RESP18: variants seen among roughly 807,000 people sequenced by gnomAD.
RESP18 encodes regulated endocrine-specific protein 18.
A neutral mutation model predicts 30.0 loss-of-function variants in RESP18; 30 were observed. The observed-to-expected ratio is 1.00, with a 90% CI of 0.75 to 1.36. The LOEUF is 1.36. Among genes scored for constraint, RESP18 ranks in the 40% most tolerant of loss-of-function variants. RESP18 has a pLI of 0.00. For synonymous variants in RESP18, 117 were observed against 111.2 expected (o/e 1.05, Z -0.33); for missense variants, 320 against 284.2 (o/e 1.13, Z -0.91).
chr2:219,331,452 T>G (rs559286351), intron 2 of RESP18, among the ~76,000 whole-genome samples: 1 of 152,300 alleles, frequency 6.6e-6, no homozygotes, highest in South Asian at 2.1e-4. Context: ...GTCTGTTTTT[T>G]GCTATAGTGT....
rs765569073 is a variant in RESP18, at chr2:219,328,969, G to T, written c.595C>A (p.Gln199Lys). 6 of 1,551,308 alleles carry T rather than the reference G, an allele frequency of 3.9e-6. No homozygotes were observed. The highest frequency in any genetic ancestry group is 5.2e-6 in the Non-Finnish European group (6 of 1,146,486). Reference sequence around the variant, plus strand: ...TCTTCCTTAGAGGGTCCCGGCGCCTGCATCATGTCCAGCCCCCCATATGAA... The same window carrying T: ...TCTTCCTTAGAGGGTCCCGGCGCCTTCATCATGTCCAGCCCCCCATATGAA... Residue 199 changes from glutamine to lysine, a missense_variant, in exon 6 of 7, where the codon CAG becomes AAG. By Grantham distance (53) the Gln-to-Lys change is moderately conservative. Transcript: ENST00000333527.
intron 2 of RESP18, 147 bp downstream of exon 1, chr2:219,332,377 C>T (rs756032410): frequency 3.1e-6 from 2 of 647,262 alleles, no homozygotes; most frequent in South Asian, 2.0e-5. Flanking sequence ...CCTCTTTCCG[C>T]TAGACGCTGT....
chr2:219,329,804 A>G (rs1952812034), intron 3 of RESP18, 40 bp from the exon 3 acceptor site: 2 of 1,539,028 alleles, frequency 1.3e-6, no homozygotes, highest in Non-Finnish European at 1.8e-6. Flanking sequence ...GACACCTGAG[A>G]CACTCGGATC....
At chr2:219,331,738 C>G (rs1183363766) in intron 2 of RESP18, among the ~76,000 whole-genome samples, 2 of 152,128 alleles carry the variant, frequency 1.3e-5, no homozygotes, top group African/African-American at 2.4e-5. Flanking sequence ...ACCCGGAGCG[C>G]GCCTGGCGCT....
intron 2 of RESP18, among the ~76,000 whole-genome samples, chr2:219,331,726 G>A (rs1239078253): frequency 6.6e-6 from 1 of 152,172 alleles, no homozygotes; most frequent in Non-Finnish European, 1.5e-5. Flanking sequence ...GGCTCGGCGT[G>A]GACCCGGAGC....
At chr2:219,330,627 C>A in intron 3 of RESP18, 144 bp downstream of exon 2, 1 of 539,318 alleles carries the variant, frequency 1.9e-6, no homozygotes, top group East Asian at 3.3e-5. Flanking sequence ...CTACTCCTGT[C>A]TCATCCCCAT....
At chr2:219,328,898 A>T in intron 6 of RESP18, 26 bp downstream of exon 5, 1 of 1,457,066 alleles carries the variant, frequency 6.9e-7, no homozygotes. Flanking sequence ...TGCTGTTTCA[A>T]TGCCTATTTT....
In RESP18 at chr2:219,332,794, T is replaced by TCGCCTCCCCAGCTCCTTCCCCTAC. The variant is rs1300534561; in HGVS notation, c.18-80_18-57dup. On this transcript the variant is annotated intron_variant, in intron 1 of 6. Coordinates refer to ENST00000333527, the MANE Select transcript of RESP18 (RefSeq NM_001007089.4). ...TCGTGAGCGGGCCCTGCCCCTGCGG[T>TCGCCTCCCCAGCTCCTTCCCCTAC]CGCCTCCCCAGCTCCTTCCCCTACC... 7 of 1,384,800 alleles carry TCGCCTCCCCAGCTCCTTCCCCTAC rather than the reference T, an allele frequency of 5.1e-6. No individual in the cohort carries two copies. In the African/African-American group the frequency reaches 5.8e-5, roughly 11 times the overall value. 85.8% of individuals were successfully genotyped at this position (1,384,800 alleles called of 1,614,324 possible). A position where few individuals can be genotyped will look rare whatever the true frequency, so the allele number is the denominator to read the frequency against.
rs1346316858 is a variant in RESP18, at chr2:219,329,719, T to G, written c.383A>C (p.Lys128Thr). Reference sequence around the variant, plus strand: ...ATGCAGTCTGCTGGCATGCTCCATCTTTTGGATCATTGCATCCTGGGTGAT... The same window carrying G: ...ATGCAGTCTGCTGGCATGCTCCATCGTTTGGATCATTGCATCCTGGGTGAT... The change falls in exon 4 of 7, where the codon AAG (lysine) becomes ACG (threonine). Residue 128 changes from lysine to threonine, a missense_variant. Physicochemically the swap from Lys to Thr is moderately conservative, Grantham distance 78. Transcript: ENST00000333527. 6.4e-7 allele frequency: 1 copy of G among 1,551,648 alleles called. No individual in the cohort carries two copies. The highest frequency in any genetic ancestry group is 8.7e-7 in the Non-Finnish European group (1 of 1,146,952).
intron 3 of RESP18, 125 bp from the exon 3 acceptor site, chr2:219,329,889 T>C: frequency 1.0e-6 from 1 of 984,660 alleles, no homozygotes; most frequent in South Asian, 1.8e-5. Flanking sequence ...AACAAGATGA[T>C]GTATTAAAGT....
chr2:219,330,814 G>T lies in RESP18; in HGVS notation c.294C>A (p.Val98=), dbSNP rs1559315990. Reference sequence around the variant, plus strand: ...GGAGCACAACCTGTAAATGCTGGAAGACTGGGGTGGCAAATCCTTGGAGGG... The same window carrying T: ...GGAGCACAACCTGTAAATGCTGGAATACTGGGGTGGCAAATCCTTGGAGGG... The change falls in exon 3 of 7, where the codon GTC becomes GTA. Residue 98 remains valine, a synonymous_variant. Transcript: ENST00000333527. 1 of 1,551,378 alleles carries T rather than the reference G, an allele frequency of 6.4e-7. No homozygotes were observed. Among genetic ancestry groups the T allele is most frequent in the African/African-American group, 1.4e-5 (1 of 72,998 alleles).
chr2:219,327,591 G>GAT, intron 6 of RESP18, 28 bp from the exon 6 acceptor site: 1 of 1,545,876 alleles, frequency 6.5e-7, no homozygotes, highest in Non-Finnish European at 8.8e-7. Flanking sequence ...AAGGGAGCTA[G>GAT]AGTCAGGATG....
intron 6 of RESP18, among the ~76,000 whole-genome samples, chr2:219,328,319 G>T (rs1312774864): frequency 6.6e-6 from 1 of 152,144 alleles, no homozygotes; most frequent in African/African-American, 2.4e-5. Context: ...TTTTCTGTCT[G>T]TTCCTTAACA....
At chr2:219,328,759 A>T (rs1952798494) in intron 6 of RESP18, among the ~76,000 whole-genome samples, 165 bp downstream of exon 5, 1 of 152,180 alleles carries the variant, frequency 6.6e-6, no homozygotes, top group African/African-American at 2.4e-5. Context: ...CAGGCCATAG[A>T]GTAGAGCAAG....
In RESP18 at chr2:219,329,436, T is replaced by G. The variant is rs771260142; in HGVS notation, c.466-184A>C. On this transcript the variant is annotated intron_variant, in intron 4 of 6. Transcript: ENST00000333527. ...GAGACAGGGAATGACAAATTGGACC[T>G]AGGCTTGCCACACCCACCTCCCCTC... 3 of 1,551,086 alleles carry G rather than the reference T, an allele frequency of 1.9e-6. No individual in the cohort carries two copies. The South Asian group carries it at 3.6e-5, about 18-fold the overall frequency.
At chr2:219,327,659 T>C (rs1371172124) in intron 6 of RESP18, 96 bp from the exon 6 acceptor site, 1 of 1,046,810 alleles carries the variant, frequency 9.6e-7, no homozygotes, top group African/African-American at 1.6e-5. Flanking sequence ...AGTAACAGCC[T>C]GATTTGAGTA....
chr2:219,329,664 C>T lies in RESP18; in HGVS notation c.438G>A (p.Lys146=), dbSNP rs549259961. ...CAGTGGTTTTAGTGGGGAAAAGTGC[C>T]TTCCCATCCTTCAGGCATGGTTCTT... is the stretch of plus-strand genomic sequence containing the variant. Residue 146 remains lysine (K), a synonymous_variant, in exon 4 of 7, where the codon AAG becomes AAA. Coordinates refer to ENST00000333527, the MANE Select transcript of RESP18 (RefSeq NM_001007089.4). 1.9e-6 allele frequency: 3 copies of T among 1,551,590 alleles called. No individual in the cohort carries two copies. In the African/African-American group the frequency reaches 4.1e-5, roughly 21 times the overall value.
chr2:219,329,677 A>G lies in RESP18; in HGVS notation c.425T>C (p.Leu142Pro), dbSNP rs1331037512. 6.4e-7 allele frequency: 1 copy of G among 1,551,452 alleles called. No homozygotes were observed. The highest frequency in any genetic ancestry group is 8.7e-7 in the Non-Finnish European group (1 of 1,146,964). The change falls in exon 4 of 7, where the codon CTG becomes CCG. Residue 142 changes from leucine (L) to proline (P), a missense_variant. Leu to Pro is a moderately conservative substitution (Grantham distance 98). Coordinates refer to ENST00000333527, the MANE Select transcript of RESP18 (RefSeq NM_001007089.4). The stretch of plus-strand genomic sequence containing the variant: ...GGGGAAAAGTGCCTTCCCATCCTTC[A>G]GGCATGGTTCTTGGGGATGCAGTCT...
chr2:219,333,017 G>A, intron 1 of RESP18: 1 of 810,196 alleles, frequency 1.2e-6, no homozygotes, highest in Non-Finnish European at 1.8e-6. Flanking sequence ...GGCACTCAAG[G>A]AATTTAGTTT....
Sources: allele counts gnomAD v4.1 joint callset (sites outside exome capture counted in the v4.1 genomes callset), GRCh38; gene constraint gnomAD v4.1.1; transcripts MANE v1.5; gene names NCBI Gene and HGNC (gene_info 2026-07-23, HGNC 2026-07-21).